Variants in GCA observed in about 807,000 individuals in gnomAD.
GCA encodes the protein grancalcin, EF-hand calcium-binding protein.
GCA carries 30 observed loss-of-function variants against 32.6 expected under a neutral mutation model. The observed-to-expected ratio is 0.92, with a 90% CI of 0.69 to 1.25. The LOEUF (loss-of-function observed/expected upper bound fraction) is 1.25, where lower values mean the gene tolerates loss of function less well. GCA is among the 50% of genes most tolerant of loss of function. The probability of loss-of-function intolerance (pLI) is 0.00; values close to 1 mark genes in which losing one functional copy is unlikely to be tolerated. For synonymous variants in GCA, 102 were observed against 84.6 expected (o/e 1.21, Z -1.13); for missense variants, 291 against 266.8 (o/e 1.09, Z -0.63).
intron 1 of GCA, among the ~76,000 whole-genome samples, chr2:162,321,669 T>C (rs1405221957): frequency 4.6e-5 from 7 of 151,822 alleles, no homozygotes; most frequent in Admixed American, 4.6e-4. Context: ...CTTTGAAAAA[T>C]CACCTCAAAT....
In GCA at chr2:162,361,614, A is replaced by G; in HGVS notation, c.*1371A>G. The G allele has an allele frequency of 1.0e-6, 1 of 982,838 alleles. No individual in the cohort carries two copies. Among genetic ancestry groups the G allele is most frequent in the Non-Finnish European group, 1.2e-6 (1 of 827,736 alleles). 60.9% of individuals were successfully genotyped at this position (982,838 alleles called of 1,614,324 possible). On this transcript the variant is annotated 3_prime_UTR_variant, in exon 8 of 8. Coordinates refer to ENST00000437150, the MANE Select transcript of GCA (RefSeq NM_012198.5). The stretch of plus-strand genomic sequence containing the variant: ...TCACTTAAAAAAATCCTGGAAAGGA[A>G]GTAACGCATAGTCACTTGACACTGA...
chr2:162,344,817 C>T (rs1001958050), intron 1 of GCA, among the ~76,000 whole-genome samples: 2 of 152,136 alleles, frequency 1.3e-5, no homozygotes, highest in Non-Finnish European at 2.9e-5. Flanking sequence ...CCTGCATCAC[C>T]TTTGGGAGTT....
At chr2:162,331,715 GT>G (rs146992798) in intron 1 of GCA, among the ~76,000 whole-genome samples, 2,918 of 152,204 alleles carry the variant, frequency 0.019, 96 homozygotes, top group African/African-American at 0.067. Flanking sequence ...ATAAATTTCT[GT>G]TCTTTATATT....
chr2:162,337,360 A>G (rs1684302259), intron 1 of GCA, among the ~76,000 whole-genome samples: 2 of 152,178 alleles, frequency 1.3e-5, no homozygotes, highest in Admixed American at 6.5e-5. Flanking sequence ...CTTGCCTCGC[A>G]CCTTCTGCCT....
downstream of GCA, among the ~76,000 whole-genome samples, chr2:162,363,941 G>A (rs562878500): frequency 6.6e-6 from 1 of 151,530 alleles, no homozygotes; most frequent in South Asian, 2.1e-4. Context: ...CATACAGTAA[G>A]AAAATGAGGA....
chr2:162,340,496 G>C (rs1684407169), upstream of GCA, among the ~76,000 whole-genome samples: 1 of 152,134 alleles, frequency 6.6e-6, no homozygotes, highest in African/African-American at 2.4e-5. Context: ...ATTACCAACA[G>C]ATTGCTAACA....
intron 1 of GCA, among the ~76,000 whole-genome samples, chr2:162,323,263 T>A (rs1462560690): frequency 1.3e-5 from 2 of 151,934 alleles, no homozygotes; most frequent in East Asian, 3.8e-4. Context: ...TTGTTTGTTT[T>A]TTTCTTGTAA....
intron 1 of GCA, among the ~76,000 whole-genome samples, chr2:162,322,044 T>C (rs999528833): frequency 6.7e-6 from 1 of 150,102 alleles, no homozygotes; most frequent in Non-Finnish European, 1.5e-5. Flanking sequence ...GGAAAGTTTA[T>C]TAAAAGGATA....
chr2:162,335,078 A>G (rs1450616852), intron 1 of GCA, among the ~76,000 whole-genome samples: 1 of 152,118 alleles, frequency 6.6e-6, no homozygotes, highest in Non-Finnish European at 1.5e-5. Context: ...GAGCCTTATT[A>G]GTTTAACCTA....
intron 1 of GCA, among the ~76,000 whole-genome samples, chr2:162,329,105 G>A (rs80118463): frequency 0.038 from 5,839 of 152,150 alleles, 454 homozygotes; most frequent in Admixed American, 0.21. Context: ...GGTCTCGGGG[G>A]TTTTTTTATA....
At chr2:162,343,403 G>A (rs113821936), upstream of GCA, among the ~76,000 whole-genome samples, 9 of 152,290 alleles carry the variant, frequency 5.9e-5, no homozygotes, top group African/African-American at 1.2e-4. Flanking sequence ...ACAGGACACC[G>A]TCTATATTAT....
intron 5 of GCA, among the ~76,000 whole-genome samples, chr2:162,357,760 A>G (rs987844354): frequency 6.6e-6 from 1 of 151,678 alleles, no homozygotes; most frequent in Non-Finnish European, 1.5e-5. Flanking sequence ...CTGGACCTTA[A>G]TTCAGCCTAA....
chr2:162,345,668 T>C (rs1249152553), intron 1 of GCA, among the ~76,000 whole-genome samples: 2 of 152,232 alleles, frequency 1.3e-5, no homozygotes, highest in South Asian at 4.1e-4. Flanking sequence ...TCAGCTGTTG[T>C]CATGCTCATT....
Position 162,324,310 on chromosome 2 carries a change from C to T in GCA, c.-31+5085C>T, listed in dbSNP as rs957345017. On this transcript the variant is annotated intron_variant, in intron 1 of 4. Coordinates refer to the GCA transcript ENST00000429691. ...CCTGGGCTTGGAGAATGAGTGCAAG[C>T]TTTATATTGAGTGGAGGTAGCTCAG... Among the ~76,000 whole-genome samples the T allele has an allele frequency of 5.9e-5, 9 of 152,180 alleles. No homozygotes were observed. The East Asian group carries it at 1.7e-3, about 29-fold the overall frequency.
At chr2:162,364,525 T>C (rs1261708929), downstream of GCA, among the ~76,000 whole-genome samples, 1 of 151,572 alleles carries the variant, frequency 6.6e-6, no homozygotes, top group East Asian at 1.9e-4. Flanking sequence ...AATACAATTT[T>C]TTCTGCTATT....
intron 1 of GCA, among the ~76,000 whole-genome samples, chr2:162,321,064 T>C (rs1683644277): frequency 6.6e-6 from 1 of 152,180 alleles, no homozygotes; most frequent in African/African-American, 2.4e-5. Flanking sequence ...GACTTCTTTT[T>C]TAGGAATCTC....
chr2:162,366,544 T>G (rs1685755216), downstream of GCA, among the ~76,000 whole-genome samples: 1 of 151,908 alleles, frequency 6.6e-6, no homozygotes. Context: ...GAAGTGTGTT[T>G]GTACCACAAA....
At chr2:162,350,740 C>A (rs1304594297) in intron 2 of GCA, among the ~76,000 whole-genome samples, 1 of 152,140 alleles carries the variant, frequency 6.6e-6, no homozygotes, top group African/African-American at 2.4e-5. Context: ...TTAAATTTCC[C>A]AGTCTTGTGC....
chr2:162,352,198 T>C (rs1271649389), intron 2 of GCA, 140 bp from the exon 3 acceptor site: 1 of 579,886 alleles, frequency 1.7e-6, no homozygotes, highest in African/African-American at 1.9e-5. Context: ...TCAGTAATTA[T>C]CTCTAGAATT....
Sources: gnomAD v4.1 joint callset for allele counts (sites outside exome capture counted in the v4.1 genomes callset) on GRCh38, gnomAD v4.1.1 for gene constraint, MANE v1.5 for transcripts, NCBI Gene and HGNC (gene_info 2026-07-23, HGNC 2026-07-21) for gene names.